The following LRRC34 variants were observed in gnomAD, a reference collection of about 807,000 sequenced individuals.
LRRC34 encodes leucine-rich repeat-containing protein 34.
LRRC34 carries 44 observed loss-of-function variants against 48.5 expected under a neutral mutation model. The observed-to-expected ratio is 0.91, with a 90% CI of 0.71 to 1.17. The LOEUF (loss-of-function observed/expected upper bound fraction) is 1.17, where lower values mean the gene tolerates loss of function less well. LRRC34 is among the 50% of genes most tolerant of loss of function. The pLI is 0.00. For missense variants in LRRC34, 502 were observed against 563.0 expected, an observed-to-expected ratio of 0.89 and a Z score of 1.10; for synonymous variants, 192 against 197.6, an observed-to-expected ratio of 0.97 and a Z score of 0.24.
rs753932069 is a variant in LRRC34 at position 169,796,388 on chromosome 3, T to C, written c.909-19A>G. Reference sequence around the variant, plus strand: ...TTTGTTGCTGGCAAAGGAAAAATAGTTATATTTGAAAATATGAAATAGTGT... The same window carrying C: ...TTTGTTGCTGGCAAAGGAAAAATAGCTATATTTGAAAATATGAAATAGTGT... On this transcript the variant is annotated intron_variant, in intron 8 of 10. Coordinates refer to ENST00000446859, the MANE Select transcript of LRRC34 (RefSeq NM_001172779.2). 2.5e-6 allele frequency: 4 copies of C among 1,589,160 alleles called. No individual in the cohort carries two copies. The South Asian group carries it at 4.7e-5, about 19-fold the overall frequency.
Position 169,804,080 on chromosome 3 carries a change from C to T in LRRC34, c.630G>A (p.Glu210=). The change falls in exon 6 of 11, where the codon GAG becomes GAA. Residue 210 remains glutamate (E), a synonymous_variant. Coordinates refer to ENST00000446859, the MANE Select transcript of LRRC34 (RefSeq NM_001172779.2). ...GATCACAGTCACCCAGATCTAATTTCTCTAATGATGAATTAATTTGCAGCA... is the reference window on the plus strand; with the variant it reads ...GATCACAGTCACCCAGATCTAATTTTTCTAATGATGAATTAATTTGCAGCA... ...AAMLQINSSL[E]KLDLGDCDLG... The T allele has an allele frequency of 6.3e-7, 1 of 1,594,198 alleles. No homozygotes were observed.
Position 169,796,836 on chromosome 3 carries a change from T to C in LRRC34, c.817A>G (p.Met273Val), listed in dbSNP as rs1212882868. Residue 273 changes from methionine (M) to valine (V), a missense_variant, in exon 8 of 11, where the codon ATG (methionine) becomes GTG (valine). Met to Val is a conservative substitution (Grantham distance 21). Transcript: ENST00000446859. ...KENHCLVALH[M>V]CKHDIKNSGI... is the part of the protein sequence containing the mutation. ...CTGTTTTTTATATCATGCTTACACATGTGTAGTGCAACAAGACAGTGATTT... is the reference window on the plus strand; with the variant it reads ...CTGTTTTTTATATCATGCTTACACACGTGTAGTGCAACAAGACAGTGATTT... The C allele has an allele frequency of 6.2e-7, 1 of 1,610,496 alleles. No individual in the cohort carries two copies. Among genetic ancestry groups the C allele is most frequent in the Non-Finnish European group, 8.5e-7 (1 of 1,178,388 alleles).
rs9872688 is a variant in LRRC34 at position 169,793,568 on chromosome 3, G to C, written c.*67C>G. 1.2e-3 allele frequency: 1,379 copies of C among 1,120,998 alleles called. 13 individuals carry two copies. In the African/African-American group the frequency reaches 0.019, roughly 16 times the overall value. 69.4% of individuals were successfully genotyped at this position (1,120,998 alleles called of 1,614,324 possible). A position where few individuals can be genotyped will look rare whatever the true frequency, so the allele number is the denominator to read the frequency against. On this transcript the variant is annotated 3_prime_UTR_variant, in exon 11 of 11. Coordinates refer to ENST00000446859, the MANE Select transcript of LRRC34 (RefSeq NM_001172779.2). The stretch of plus-strand genomic sequence containing the variant: ...TGTTTTAATTTATAAAAGAAAATAG[G>C]CTATAGAATATTAATCTCTGTGAAA...
chr3:169,805,904 A>C (rs1020273309), intron 5 of LRRC34, among the ~76,000 whole-genome samples: 15 of 150,180 alleles, frequency 1.0e-4, no homozygotes, highest in African/African-American at 3.0e-4. Flanking sequence ...AAAAAAAAAA[A>C]CTCCCAGCTG....
chr3:169,796,659 A>G, intron 8 of LRRC34, 86 bp downstream of exon 8: 1 of 1,347,928 alleles, frequency 7.4e-7, no homozygotes, highest in Non-Finnish European at 1.0e-6. Flanking sequence ...ATAATGTCTA[A>G]CAACGTATCC....
Position 169,812,807 on chromosome 3 carries a change from G to T in LRRC34, c.-259C>A. ...GCTCCGCTGCTGAGCTAGGGCTGGGGCTACAAAGAAGATTATGACAAAGCC... is the reference window on the plus strand; with the variant it reads ...GCTCCGCTGCTGAGCTAGGGCTGGGTCTACAAAGAAGATTATGACAAAGCC... On this transcript the variant is annotated 5_prime_UTR_variant, in exon 1 of 11. Coordinates refer to ENST00000446859, the MANE Select transcript of LRRC34 (RefSeq NM_001172779.2). This position sits in a 1 kb window ranked among gnomAD's most constrained non-coding sequence, Gnocchi z 4.3. The T allele has an allele frequency of 2.1e-6, 1 of 480,764 alleles. No homozygotes were observed. The allele number at this position is 480,764 out of a possible 1,614,324, so 29.8% of individuals were successfully genotyped here. A position where few individuals can be genotyped will look rare whatever the true frequency, so the allele number is the denominator to read the frequency against.
chr3:169,808,543 A>G (rs1779459834), intron 2 of LRRC34, 85 bp downstream of exon 2: 1 of 771,704 alleles, frequency 1.3e-6, no homozygotes. Flanking sequence ...TCAAATGGCT[A>G]TAAAATCACT....
chr3:169,794,034 AT>A (rs1448416409), intron 10 of LRRC34, 196 bp from the exon 11 acceptor site: 3 of 467,016 alleles, frequency 6.4e-6, no homozygotes, highest in African/African-American at 4.0e-5. Context: ...ACAGAATGAA[AT>A]TATAATATTG....
Position 169,812,397 on chromosome 3 carries a change from C to T in LRRC34, c.139+13G>A. ...CTGGGCCAGGCCGCGCAGACGTGCT[C>T]CCTACTTCTTACCGCGCTGGACCGC... On this transcript the variant is annotated intron_variant, in intron 1 of 10. Coordinates refer to ENST00000446859, the MANE Select transcript of LRRC34 (RefSeq NM_001172779.2). This position sits in a 1 kb window ranked among gnomAD's most constrained non-coding sequence, Gnocchi z 4.3. The T allele has an allele frequency of 6.6e-7, 1 of 1,526,246 alleles. No individual in the cohort carries two copies. Among genetic ancestry groups the T allele is most frequent in the Non-Finnish European group, 8.7e-7 (1 of 1,143,558 alleles). The allele number at this position is 1,526,246 out of a possible 1,614,324, so 94.5% of individuals were successfully genotyped here.
chr3:169,807,911 T>C (rs1779438806), intron 2 of LRRC34: 1 of 582,696 alleles, frequency 1.7e-6, no homozygotes, highest in Non-Finnish European at 2.8e-6. Flanking sequence ...GACTGCAAAG[T>C]GCTTTAAAAG....
In LRRC34 at chr3:169,812,727, C is replaced by T; in HGVS notation, c.-179G>A. The T allele has an allele frequency of 1.1e-6, 1 of 929,836 alleles. No individual in the cohort carries two copies. The highest frequency in any genetic ancestry group is 1.5e-6 in the Non-Finnish European group (1 of 674,864). 57.6% of individuals were successfully genotyped at this position (929,836 alleles called of 1,614,324 possible). ...GTCACCCTGCCCTGGTTAAAGGCAGCCTGAGGGAGGGCGTCCTGGCTCCTT... is the reference window on the plus strand; with the variant it reads ...GTCACCCTGCCCTGGTTAAAGGCAGTCTGAGGGAGGGCGTCCTGGCTCCTT... On this transcript the variant is annotated 5_prime_UTR_variant, in exon 1 of 11. Transcript: ENST00000446859. The surrounding 1 kb of genome is among the most constrained non-coding windows in gnomAD (Gnocchi z 4.3).
chr3:169,804,924 C>T (rs1461083905), intron 5 of LRRC34, among the ~76,000 whole-genome samples: 6 of 152,294 alleles, frequency 3.9e-5, no homozygotes, highest in South Asian at 4.1e-4. Flanking sequence ...TCCCCGAAGC[C>T]GGTCCTATAC....
chr3:169,796,626 G>T, intron 8 of LRRC34, 119 bp downstream of exon 8: 1 of 1,092,844 alleles, frequency 9.2e-7, no homozygotes. Flanking sequence ...TTGACAATTG[G>T]TTGCAGTTTC....
At chr3:169,802,386 C>A (rs141748950) in intron 6 of LRRC34, among the ~76,000 whole-genome samples, 2,176 of 152,140 alleles carry the variant, frequency 0.014, 19 homozygotes, top group Middle Eastern at 0.027. Context: ...TGAGTTTTTT[C>A]TCATCCTTCA....
At position 169,793,464 on chromosome 3, in the gene LRRC34, C is replaced by T. The variant is rs1778866594; in HGVS notation, c.*171G>A. Reference sequence around the variant, plus strand: ...TGTAAAATTTCTTTTAAAAAATTACCCTACTCAGTTTTTCACAATAGACAG... The same window carrying T: ...TGTAAAATTTCTTTTAAAAAATTACTCTACTCAGTTTTTCACAATAGACAG... On this transcript the variant is annotated 3_prime_UTR_variant, in exon 11 of 11. Coordinates refer to ENST00000446859, the MANE Select transcript of LRRC34 (RefSeq NM_001172779.2). 14 of 485,040 alleles carry T rather than the reference C, an allele frequency of 2.9e-5. No individual in the cohort carries two copies. The highest frequency in any genetic ancestry group is 9.3e-5 in the South Asian group (2 of 21,570). The allele number at this position is 485,040 out of a possible 1,614,324, so 30.0% of individuals were successfully genotyped here.
At chr3:169,806,296 A>G (rs904974095) in intron 5 of LRRC34, among the ~76,000 whole-genome samples, 7 of 152,202 alleles carry the variant, frequency 4.6e-5, no homozygotes, top group Non-Finnish European at 8.8e-5. Flanking sequence ...TCAAAGAAAG[A>G]GCTAAAACTG....
intron 4 of LRRC34, 85 bp from the exon 5 acceptor site, chr3:169,807,016 G>C: frequency 3.1e-6 from 2 of 635,614 alleles, no homozygotes; most frequent in East Asian, 5.7e-5. Flanking sequence ...TACACATACA[G>C]TATATACTTT....
intron 5 of LRRC34, among the ~76,000 whole-genome samples, chr3:169,806,250 T>C (rs1576745163): frequency 6.6e-6 from 1 of 152,300 alleles, no homozygotes; most frequent in African/African-American, 2.4e-5. Context: ...TAAAGTTGGA[T>C]TCCTACCTCA....
chr3:169,804,188 AGG>A lies in LRRC34; in HGVS notation c.529-9_529-8del. 6.4e-7 allele frequency: 1 copy of A among 1,565,628 alleles called. No individual in the cohort carries two copies. On this transcript the variant is annotated splice_polypyrimidine_tract_variant and splice_region_variant and intron_variant, in intron 5 of 10. Transcript: ENST00000446859. ...ATTTCAGAGTCCGATTCTTCTGAAA[AGG>A]AAAAAAAACTTATTTAATAATTGTT... is the stretch of plus-strand genomic sequence containing the variant.
Sources: gnomAD v4.1 joint callset for allele counts (sites outside exome capture counted in the v4.1 genomes callset) on GRCh38, gnomAD v4.1.1 for gene constraint, Gnocchi (gnomAD v3.1) non-coding constraint, MANE v1.5 for transcripts, NCBI Gene and HGNC (gene_info 2026-07-23, HGNC 2026-07-21) for gene names.